Variants in SEC24B observed in about 807,000 individuals in gnomAD.
SEC24B encodes the protein SEC24 homolog B, COPII component.
SEC24B carries 45 observed loss-of-function variants against 142.8 expected under a neutral mutation model. The observed-to-expected ratio is 0.32, with a 90% CI of 0.25 to 0.40. The LOEUF (loss-of-function observed/expected upper bound fraction) is 0.40. Among genes scored for constraint, SEC24B ranks in the 10% least tolerant of loss-of-function variants. SEC24B has a pLI of 1.00. For synonymous variants in SEC24B, 574 were observed against 568.2 expected (o/e 1.01, Z -0.15); for missense variants, 1,409 against 1,526.8 (o/e 0.92, Z 1.29).
At chr4:109,521,700 A>G in intron 14 of SEC24B, 74 bp downstream of exon 14, 2 of 1,129,160 alleles carry the variant, frequency 1.8e-6, no homozygotes, top group Non-Finnish European at 2.5e-6. Context: ...TTAATAATAA[A>G]ATACTGGCAA....
At chr4:109,495,116 A>T (rs906864935) in intron 6 of SEC24B, among the ~76,000 whole-genome samples, 2 of 152,194 alleles carry the variant, frequency 1.3e-5, no homozygotes, top group Non-Finnish European at 2.9e-5. Context: ...TTTCTTCATG[A>T]TATCTTTATT....
At chr4:109,466,568 A>G (rs950820549) in intron 2 of SEC24B, among the ~76,000 whole-genome samples, 2 of 151,950 alleles carry the variant, frequency 1.3e-5, no homozygotes, top group African/African-American at 4.8e-5. Flanking sequence ...CCGCCACCAC[A>G]CCTGGCTAAT....
At chr4:109,462,376 C>T (rs1343764316) in intron 1 of SEC24B, among the ~76,000 whole-genome samples, 1 of 152,168 alleles carries the variant, frequency 6.6e-6, no homozygotes, top group Non-Finnish European at 1.5e-5. Flanking sequence ...GGCTCAGGGT[C>T]TCTCATGAGA....
intron 1 of SEC24B, among the ~76,000 whole-genome samples, chr4:109,435,318 G>T (rs1019519248): frequency 3.9e-5 from 6 of 152,140 alleles, no homozygotes; most frequent in Middle Eastern, 3.2e-3. Flanking sequence ...AACCTGTTCT[G>T]AACAAATGTA....
chr4:109,510,171 T>G, intron 8 of SEC24B, 60 bp downstream of exon 8: 1 of 791,264 alleles, frequency 1.3e-6, no homozygotes, highest in Non-Finnish European at 1.9e-6. Context: ...TACAAGGTAC[T>G]TAAATTTTAT....
chr4:109,497,809 C>T (rs1206478590), intron 6 of SEC24B, among the ~76,000 whole-genome samples: 1 of 152,098 alleles, frequency 6.6e-6, no homozygotes, highest in Admixed American at 6.6e-5. Flanking sequence ...GTGTATATAT[C>T]TAGGAATGGA....
At chr4:109,501,432 A>C (rs916918796) in intron 6 of SEC24B, among the ~76,000 whole-genome samples, 1 of 152,150 alleles carries the variant, frequency 6.6e-6, no homozygotes, top group South Asian at 2.1e-4. Context: ...TGCCTTAACT[A>C]TTTCCTTAAG....
chr4:109,434,119 G>T (rs1170089104), intron 1 of SEC24B, 117 bp downstream of exon 1: 5 of 681,484 alleles, frequency 7.3e-6, no homozygotes, highest in Non-Finnish European at 9.1e-6. Flanking sequence ...GGCCCGGCCC[G>T]AGGGACGGGA....
Position 109,521,504 on chromosome 4 carries a change from G to A in SEC24B, c.2386G>A (p.Ala796Thr), listed in dbSNP as rs374392004. Residue 796 changes from alanine to threonine, a missense_variant, in exon 14 of 24, where the codon GCT becomes ACT. By Grantham distance (58) the Ala-to-Thr change is moderately conservative. This residue lies in a region of SEC24B where 700 missense variants were observed against 853.3 expected (regional missense o/e 0.82). Transcript: ENST00000265175. Reference protein sequence around the residue: ...THSALGPALQAAFKLMSPTGG... With the variant: ...THSALGPALQTAFKLMSPTGG... Reference sequence around the variant, plus strand: ...CAGTGCCCTTGGTCCTGCACTTCAGGCTGCCTTTAAATTAATGTCTCCAAC... The same window carrying A: ...CAGTGCCCTTGGTCCTGCACTTCAGACTGCCTTTAAATTAATGTCTCCAAC... 8.1e-6 allele frequency: 13 copies of A among 1,614,104 alleles called. No individual in the cohort carries two copies. Among genetic ancestry groups the A allele is most frequent in the Non-Finnish European group, 9.3e-6 (11 of 1,180,000 alleles).
At chr4:109,533,541 AAATG>A in intron 21 of SEC24B, 48 bp from the exon 22 acceptor site, 1 of 1,108,338 alleles carries the variant, frequency 9.0e-7, no homozygotes, top group Non-Finnish European at 1.4e-6. Context: ...ACATTAATGA[AAATG>A]AATTAACTAT....
At chr4:109,494,474 TTGTGTGTGTCCAAAA>T in intron 5 of SEC24B, 126 bp from the exon 6 acceptor site, 1 of 910,484 alleles carries the variant, frequency 1.1e-6, no homozygotes. Context: ...TCCCCCTACT[TTGTGTGTGTCCAAAA>T]TTTCTTAGAA....
chr4:109,452,526 A>G (rs10009463), intron 1 of SEC24B, among the ~76,000 whole-genome samples: 18,002 of 152,216 alleles, frequency 0.12, 3,542 homozygotes, highest in African/African-American at 0.41. Context: ...CTATACTAGT[A>G]TGTATTCCCT....
chr4:109,503,368 C>T (rs1319060613), intron 6 of SEC24B, among the ~76,000 whole-genome samples: 3 of 151,888 alleles, frequency 2.0e-5, no homozygotes, highest in Non-Finnish European at 4.4e-5. Flanking sequence ...GGATTACAGG[C>T]GCCCGCCACA....
intron 6 of SEC24B, among the ~76,000 whole-genome samples, chr4:109,499,476 G>GA (rs902512746): frequency 3.4e-5 from 5 of 147,168 alleles, no homozygotes; most frequent in South Asian, 2.2e-4. Flanking sequence ...TGTGACAAAA[G>GA]AAAAAAAAAA....
chr4:109,453,078 C>A (rs948685227), intron 1 of SEC24B, among the ~76,000 whole-genome samples: 2 of 152,044 alleles, frequency 1.3e-5, no homozygotes, highest in African/African-American at 4.8e-5. Flanking sequence ...CCCCCTGAAC[C>A]CTAAAACCAG....
At chr4:109,456,243 C>G (rs1730652504) in intron 1 of SEC24B, among the ~76,000 whole-genome samples, 1 of 151,354 alleles carries the variant, frequency 6.6e-6, no homozygotes, top group South Asian at 2.1e-4. Context: ...CCTTGATAAA[C>G]TCACTTATTA....
At position 109,491,314 on chromosome 4, in the gene SEC24B, G is replaced by T; in HGVS notation, c.1166-13G>T. On this transcript the variant is annotated splice_polypyrimidine_tract_variant and intron_variant, in intron 4 of 23. Transcript: ENST00000265175. Reference sequence around the variant, plus strand: ...CATTTTAAACCTAGTAGATATTTTGGTTTTCCTTTTAGGTGTTGACAGCTC... The same window carrying T: ...CATTTTAAACCTAGTAGATATTTTGTTTTTCCTTTTAGGTGTTGACAGCTC... 1 of 1,602,706 alleles carries T rather than the reference G, an allele frequency of 6.2e-7. No individual in the cohort carries two copies. Among genetic ancestry groups the T allele is most frequent in the Admixed American group, 1.7e-5 (1 of 59,350 alleles).
chr4:109,461,434 C>G (rs915519800), intron 1 of SEC24B, among the ~76,000 whole-genome samples: 2 of 152,002 alleles, frequency 1.3e-5, no homozygotes, highest in Non-Finnish European at 2.9e-5. Context: ...AGTTCAACCC[C>G]AAGATATTCA....
chr4:109,521,252 T>A (rs1723582926), intron 13 of SEC24B, 80 bp downstream of exon 13: 1 of 1,031,386 alleles, frequency 9.7e-7, no homozygotes, highest in African/African-American at 1.6e-5. Flanking sequence ...TTTGTTTACT[T>A]GATATATTAG....
Sources: allele counts gnomAD v4.1 joint callset (sites outside exome capture counted in the v4.1 genomes callset), GRCh38; gene constraint gnomAD v4.1.1; regional missense constraint gnomAD v4.1.1; transcripts MANE v1.5; gene names NCBI Gene and HGNC (gene_info 2026-07-23, HGNC 2026-07-21).